The following SIPA1L1 variants were observed in gnomAD, a reference collection of about 807,000 sequenced individuals.
The protein encoded by SIPA1L1 is signal induced proliferation associated 1 like 1, also known as signal-induced proliferation-associated 1-like protein 1.
In SIPA1L1, 26 loss-of-function variants were observed where a neutral mutation model predicts 162.7. The observed-to-expected ratio is 0.16, with a 90% CI of 0.12 to 0.22. SIPA1L1 has a LOEUF of 0.22. SIPA1L1 is among the 10% of genes least tolerant of loss of function. SIPA1L1 has a pLI of 1.00. For missense variants in SIPA1L1, 1,874 were observed against 2,241.0 expected (o/e 0.84, Z 3.31); for synonymous variants, 829 against 837.4 (o/e 0.99, Z 0.17).
chr14:71,703,999 C>CT (rs1417157572), intron 15 of SIPA1L1, among the ~76,000 whole-genome samples: 1 of 152,132 alleles, frequency 6.6e-6, no homozygotes, highest in African/African-American at 2.4e-5. Flanking sequence ...GTAAGGTATA[C>CT]TTTTTTTAAA....
At chr14:71,554,624 A>G (rs2056184062) in intron 4 of SIPA1L1, among the ~76,000 whole-genome samples, 2 of 152,208 alleles carry the variant, frequency 1.3e-5, no homozygotes, top group South Asian at 2.1e-4. Flanking sequence ...TAAGAAAAAG[A>G]TAACAGTTCA....
chr14:71,334,457 T>G (rs1384771394), intron 2 of SIPA1L1, among the ~76,000 whole-genome samples: 1 of 152,168 alleles, frequency 6.6e-6, no homozygotes, highest in Admixed American at 6.5e-5. Flanking sequence ...CTGCAATTCC[T>G]GGGCAGCTTC....
At chr14:71,670,909 C>T (rs1341893912) in intron 10 of SIPA1L1, among the ~76,000 whole-genome samples, 1 of 151,374 alleles carries the variant, frequency 6.6e-6, no homozygotes, top group African/African-American at 2.4e-5. Flanking sequence ...TGTTTTTGGC[C>T]TAGAAAAAAA....
chr14:71,332,653 G>T (rs565241999), intron 2 of SIPA1L1, among the ~76,000 whole-genome samples: 1 of 152,232 alleles, frequency 6.6e-6, no homozygotes, highest in African/African-American at 2.4e-5. Flanking sequence ...CACCCCAAAA[G>T]AATCTGGAAA....
intron 7 of SIPA1L1, among the ~76,000 whole-genome samples, chr14:71,643,736 C>T (rs1040229091): frequency 7.2e-5 from 11 of 152,136 alleles, no homozygotes; most frequent in African/African-American, 2.2e-4. Context: ...GACTTTCATA[C>T]GGCCTTTTCA....
At chr14:71,688,390 C>T (rs574939313) in intron 13 of SIPA1L1, among the ~76,000 whole-genome samples, 102 of 152,214 alleles carry the variant, frequency 6.7e-4, no homozygotes, top group African/African-American at 2.4e-3. Context: ...ATTTAGGATA[C>T]GGGCTACTCG....
chr14:71,634,203 C>T (rs1263816944), intron 7 of SIPA1L1, among the ~76,000 whole-genome samples: 2 of 151,468 alleles, frequency 1.3e-5, no homozygotes, highest in East Asian at 2.0e-4. Context: ...GAGTTTGAGA[C>T]CAGACTGCCC....
intron 2 of SIPA1L1, among the ~76,000 whole-genome samples, chr14:71,366,600 A>C (rs1425199099): frequency 6.6e-6 from 1 of 151,980 alleles, no homozygotes; most frequent in African/African-American, 2.4e-5. Flanking sequence ...TGCCTGGCTA[A>C]TTTTGTTTTT....
chr14:71,504,882 G>A (rs1374803411), intron 2 of SIPA1L1, among the ~76,000 whole-genome samples: 1 of 152,110 alleles, frequency 6.6e-6, no homozygotes, highest in Non-Finnish European at 1.5e-5. Flanking sequence ...TGTTGGAGAC[G>A]TGTTCTAATC....
chr14:71,495,924 GA>G (rs1396954370), intron 2 of SIPA1L1, among the ~76,000 whole-genome samples: 1 of 121,482 alleles, frequency 8.2e-6, no homozygotes, highest in Non-Finnish European at 1.8e-5. Context: ...GAAGAAGAAA[GA>G]AAAAAAGAAT....
chr14:71,443,758 C>T (rs147331918), intron 2 of SIPA1L1, among the ~76,000 whole-genome samples: 210 of 152,340 alleles, frequency 1.4e-3, no homozygotes, highest in Non-Finnish European at 2.5e-3. Flanking sequence ...ACACATATAT[C>T]TGCAACCATA....
intron 2 of SIPA1L1, among the ~76,000 whole-genome samples, chr14:71,346,566 G>A (rs559716195): frequency 2.0e-5 from 3 of 152,178 alleles, no homozygotes; most frequent in South Asian, 2.1e-4. Flanking sequence ...TGTGGGGAGC[G>A]CCAAGAAACA....
At chr14:71,370,314 CTTATTATT>C (rs1010515995) in intron 2 of SIPA1L1, among the ~76,000 whole-genome samples, 2 of 151,774 alleles carry the variant, frequency 1.3e-5, no homozygotes, top group Non-Finnish European at 2.9e-5. Context: ...ATAGATAGCT[CTTATTATT>C]TTGAAATACG....
Position 71,702,455 on chromosome 14 carries a change from A to G in SIPA1L1, c.3596A>G (p.Lys1199Arg). Reference sequence around the variant, plus strand: ...CAGTCAGATATTGGTGGCAGCGGAAAATCCACGCCTAGCTGGCAAAGAAGT... The same window carrying G: ...CAGTCAGATATTGGTGGCAGCGGAAGATCCACGCCTAGCTGGCAAAGAAGT... ...NTQSDIGGSG[K>R]STPSWQRSED... Residue 1199 changes from lysine to arginine, a missense_variant, in exon 15 of 24, where the codon AAA becomes AGA. Around this residue, in one of 5 missense-constraint regions of SIPA1L1, gnomAD observed 936 missense variants for 1,051.9 expected, o/e 0.89. Transcript: ENST00000381232. The G allele has an allele frequency of 6.2e-7, 1 of 1,614,200 alleles. No homozygotes were observed. Among genetic ancestry groups the G allele is most frequent in the South Asian group, 1.1e-5 (1 of 91,088 alleles).
chr14:71,577,281 G>A (rs556054918), intron 4 of SIPA1L1, among the ~76,000 whole-genome samples: 15 of 152,128 alleles, frequency 9.9e-5, no homozygotes, highest in South Asian at 4.1e-4. Flanking sequence ...CTATAAGGGA[G>A]CCTTTTTTCT....
At chr14:71,427,636 ATTT>A (rs1322748443) in intron 2 of SIPA1L1, among the ~76,000 whole-genome samples, 3 of 151,964 alleles carry the variant, frequency 2.0e-5, no homozygotes, top group Non-Finnish European at 4.4e-5. Flanking sequence ...AGACTTGATC[ATTT>A]TCATTGTCCT....
chr14:71,680,060 C>G (rs139283280), intron 12 of SIPA1L1, among the ~76,000 whole-genome samples: 2,152 of 152,320 alleles, frequency 0.014, 25 homozygotes, highest in South Asian at 0.047. Flanking sequence ...GAATTGAACT[C>G]TGCACCAAGT....
chr14:71,340,564 G>A (rs746308792), intron 2 of SIPA1L1, among the ~76,000 whole-genome samples: 7 of 152,072 alleles, frequency 4.6e-5, no homozygotes, highest in South Asian at 2.1e-4. Context: ...CTAGCTTTCC[G>A]ATGCTCCCCT....
intron 2 of SIPA1L1, among the ~76,000 whole-genome samples, chr14:71,475,725 T>G (rs1347264028): frequency 6.6e-6 from 1 of 152,204 alleles, no homozygotes. Context: ...TGGCCAGAGC[T>G]ATGTACATAG....
Sources: gnomAD v4.1 joint callset for allele counts (sites outside exome capture counted in the v4.1 genomes callset) on GRCh38, gnomAD v4.1.1 for gene constraint, gnomAD v4.1.1 regional missense constraint, MANE v1.5 for transcripts, NCBI Gene and HGNC (gene_info 2026-07-23, HGNC 2026-07-21) for gene names.